CYP4F2: variants seen among roughly 807,000 people sequenced by gnomAD.
CYP4F2 encodes the protein cytochrome P450 family 4 subfamily F member 2.
CYP4F2 carries 58 observed loss-of-function variants against 58.9 expected under a neutral mutation model. The observed-to-expected ratio is 0.98, with a 90% CI of 0.80 to 1.23. CYP4F2 has a LOEUF of 1.23. Among genes scored for constraint, CYP4F2 ranks in the 50% most tolerant of loss-of-function variants. The pLI is 0.00. For synonymous variants in CYP4F2, 287 were observed against 261.1 expected (o/e 1.10, Z -0.95); for missense variants, 616 against 685.6 (o/e 0.90, Z 1.13).
At chr19:15,885,045 C>A (rs185228045) in intron 9 of CYP4F2, among the ~76,000 whole-genome samples, 1 of 152,016 alleles carries the variant, frequency 6.6e-6, no homozygotes, top group Admixed American at 6.5e-5. Flanking sequence ...CTCAGTCTCT[C>A]CCTCTCTCTC....
At chr19:15,884,923 C>T (rs2089367663) in intron 9 of CYP4F2, among the ~76,000 whole-genome samples, 3 of 152,202 alleles carry the variant, frequency 2.0e-5, no homozygotes, top group Non-Finnish European at 1.5e-5. Context: ...TGCTCAAACA[C>T]TTCCCATGGC....
Position 15,886,000 on chromosome 19 carries a change from G to T in CYP4F2, c.1039C>A (p.His347Asn), listed in dbSNP as rs755301307. Residue 347 changes from histidine (H) to asparagine (N), a missense_variant, in exon 9 of 13, where the codon CAC becomes AAC. By Grantham distance (68) the His-to-Asn change is moderately conservative. Coordinates refer to ENST00000221700, the MANE Select transcript of CYP4F2 (RefSeq NM_001082.5). The stretch of plus-strand genomic sequence containing the variant: ...CGGCAGCGCTCCTGGTATTCTGGGT[G>T]CTTTGCAAGGTGGTACAGGACCCAG... ...LSWVLYHLAK[H>N]PEYQERCRQE... 8 of 1,614,016 alleles carry T rather than the reference G, an allele frequency of 5.0e-6. No individual in the cohort carries two copies. The highest frequency in any genetic ancestry group is 5.1e-6 in the Non-Finnish European group (6 of 1,180,036).
At position 15,878,757 on chromosome 19, in the gene CYP4F2, G is replaced by T. The variant is rs1285469721; in HGVS notation, c.*14C>A. ...GGGTCATTTTAGTGGGGTCAGAGTG[G>T]GTCTCTGCAGAACTCAGCTCAGGGG... On this transcript the variant is annotated 3_prime_UTR_variant, in exon 13 of 13. Transcript: ENST00000221700. The T allele has an allele frequency of 6.2e-7, 1 of 1,612,232 alleles. No homozygotes were observed. Among genetic ancestry groups the T allele is most frequent in the Admixed American group, 1.7e-5 (1 of 59,876 alleles).
At position 15,897,602 on chromosome 19, in the gene CYP4F2, G is replaced by A. The variant is rs1568475064; in HGVS notation, c.10C>T (p.Leu4=). The A allele has an allele frequency of 9.3e-6, 15 of 1,613,664 alleles. No homozygotes were observed. The East Asian group carries it at 2.5e-4, about 26-fold the overall frequency. The change falls in exon 2 of 13, where the codon CTG becomes TTG. Residue 4 remains leucine (L), a synonymous_variant. Coordinates refer to ENST00000221700, the MANE Select transcript of CYP4F2 (RefSeq NM_001082.5). MSQ[L]SLSWLGLWPV... Reference sequence around the variant, plus strand: ...CAGAGGCCCAGCCAGGACAGGCTCAGCTGGGACATCCTGCAGGGCAGACGG... The same window carrying A: ...CAGAGGCCCAGCCAGGACAGGCTCAACTGGGACATCCTGCAGGGCAGACGG...
intron 2 of CYP4F2, among the ~76,000 whole-genome samples, chr19:15,896,293 T>A (rs897089861): frequency 1.3e-5 from 2 of 151,938 alleles, no homozygotes; most frequent in Non-Finnish European, 2.9e-5. Flanking sequence ...TCCTGCTCTA[T>A]CTATCTATCT....
intron 7 of CYP4F2, among the ~76,000 whole-genome samples, chr19:15,886,712 G>A (rs1213108990): frequency 2.0e-5 from 3 of 152,164 alleles, no homozygotes; most frequent in Admixed American, 6.5e-5. Context: ...CCCTGGAGAC[G>A]TTTGGGTTGT....
rs2089407908 is a variant in CYP4F2 at position 15,890,173 on chromosome 19, T to C, written c.647+139A>G. ...CTCCCTGGAAACCTCAAGATAAAGT[T>C]CATACCAGTCCTTCAATGATCAGGT... On this transcript the variant is annotated intron_variant, in intron 6 of 12. Transcript: ENST00000221700. The C allele has an allele frequency of 2.1e-6, 3 of 1,430,842 alleles. No individual in the cohort carries two copies. The East Asian group carries it at 7.2e-5, about 34-fold the overall frequency. 88.6% of individuals were successfully genotyped at this position (1,430,842 alleles called of 1,614,324 possible). A position where few individuals can be genotyped will look rare whatever the true frequency, so the allele number is the denominator to read the frequency against.
At chr19:15,892,852 C>T (rs761507459) in intron 3 of CYP4F2, among the ~76,000 whole-genome samples, 4 of 152,122 alleles carry the variant, frequency 2.6e-5, no homozygotes, top group Non-Finnish European at 5.9e-5. Flanking sequence ...GCCTCCTACA[C>T]GATCCAACAT....
intron 10 of CYP4F2, 26 bp downstream of exon 10, chr19:15,879,738 A>C: frequency 3.1e-6 from 5 of 1,613,008 alleles, no homozygotes; most frequent in Non-Finnish European, 4.2e-6. Flanking sequence ...TACCCAGGAG[A>C]CTCCTCCCCG....
chr19:15,887,477 T>G (rs1334074506), intron 7 of CYP4F2, among the ~76,000 whole-genome samples: 1 of 109,886 alleles, frequency 9.1e-6, no homozygotes, highest in Non-Finnish European at 1.9e-5. Context: ...CACAGACACA[T>G]AAATACACAT....
In CYP4F2 at chr19:15,878,593, G is replaced by T; in HGVS notation, c.*178C>A. The T allele has an allele frequency of 1.0e-5, 10 of 992,710 alleles. No homozygotes were observed. Among genetic ancestry groups the T allele is most frequent in the Non-Finnish European group, 1.3e-5 (9 of 691,360 alleles). The allele number at this position is 992,710 out of a possible 1,614,324, so 61.5% of individuals were successfully genotyped here. A position where few individuals can be genotyped will look rare whatever the true frequency, so the allele number is the denominator to read the frequency against. On this transcript the variant is annotated 3_prime_UTR_variant, in exon 13 of 13. Transcript: ENST00000221700. ...TCATCGTTTGGCTACTGTGAATAGG[G>T]CCGCCATGAACATTCACGCACAAGC...
intron 3 of CYP4F2, among the ~76,000 whole-genome samples, chr19:15,894,922 G>T (rs2089439248): frequency 6.6e-6 from 1 of 152,156 alleles, no homozygotes; most frequent in African/African-American, 2.4e-5. Context: ...ACCAGAGGTG[G>T]ACATCATGGA....
Position 15,885,300 on chromosome 19 carries a change from C to T in CYP4F2, c.1115+624G>A, listed in dbSNP as rs937089895. Reference sequence around the variant, plus strand: ...TCTTACTGTAAATCCCATCTCTGCCCATGTGGGCTGGGAGTGTCCTGCCCA... The same window carrying T: ...TCTTACTGTAAATCCCATCTCTGCCTATGTGGGCTGGGAGTGTCCTGCCCA... On this transcript the variant is annotated intron_variant, in intron 9 of 12. Transcript: ENST00000221700. 1.1e-4 allele frequency among the ~76,000 whole-genome samples: 17 copies of T among 152,280 alleles called. No individual in the cohort carries two copies. The East Asian group carries it at 3.1e-3, about 28-fold the overall frequency.
In CYP4F2 at chr19:15,897,436, C is replaced by G. The variant is rs753256315; in HGVS notation, c.176G>C (p.Trp59Ser). 6.2e-6 allele frequency: 10 copies of G among 1,613,854 alleles called. No homozygotes were observed. The highest frequency in any genetic ancestry group is 5.5e-5 in the South Asian group (5 of 91,060). The change falls in exon 2 of 13, where the codon TGG becomes TCG. Residue 59 changes from tryptophan (W) to serine (S), a missense_variant. By Grantham distance (177) the Trp-to-Ser change is radical. Transcript: ENST00000221700. Reference sequence around the variant, plus strand: ...CACCATGCCCTGGTGTCCCCAAAACCAGTTCCGTCTTGGGGGTTGTGGGAA... The same window carrying G: ...CACCATGCCCTGGTGTCCCCAAAACGAGTTCCGTCTTGGGGGTTGTGGGAA... ...RCFPQPPRRN[W>S]FWGHQGMVNP...
chr19:15,888,281 C>T (rs1296911757), intron 7 of CYP4F2, among the ~76,000 whole-genome samples: 8 of 151,974 alleles, frequency 5.3e-5, no homozygotes, highest in Admixed American at 1.3e-4. Context: ...TAGACACAGA[C>T]GCACACACAT....
In CYP4F2 at chr19:15,892,566, C is replaced by T. The variant is rs1007657184; in HGVS notation, c.360G>A (p.Lys120=). 6.2e-7 allele frequency: 1 copy of T among 1,614,090 alleles called. No individual in the cohort carries two copies. The highest frequency in any genetic ancestry group is 1.3e-5 in the African/African-American group (1 of 75,044). The change falls in exon 4 of 13, where the codon AAG becomes AAA. Residue 120 remains lysine (K), a synonymous_variant. Coordinates refer to ENST00000221700, the MANE Select transcript of CYP4F2 (RefSeq NM_001082.5). ...VINASAAIAP[K]DKFFYSFLEP... is the part of the protein sequence containing the mutation. ...CCAGGAAGCTGTAGAAGAACTTGTCCTTTGGTGCAATGGCAGCTGACATAA... is the reference window on the plus strand; with the variant it reads ...CCAGGAAGCTGTAGAAGAACTTGTCTTTTGGTGCAATGGCAGCTGACATAA...
At chr19:15,879,714 G>A (rs750382731) in intron 10 of CYP4F2, 46 bp from the exon 11 acceptor site, 3 of 1,613,924 alleles carry the variant, frequency 1.9e-6, no homozygotes, top group South Asian at 2.2e-5. Flanking sequence ...CCTTCACTGA[G>A]GGGCCCCTCT....
At position 15,895,521 on chromosome 19, in the gene CYP4F2, CA is replaced by C; in HGVS notation, c.327del (p.Val110SerfsTer29). ...CAGATGGTACCTGAGGCGTTGATGA[CA>C]GACCGGATGATGTCGGGGTGGCACA... The part of the protein sequence containing the change: ...LSLCHPDIIR[S>X]VINASAAIAP... On this transcript the variant is annotated frameshift_variant, in exon 3 of 13. Transcript: ENST00000221700. LOFTEE classifies it high-confidence loss of function. The C allele has an allele frequency of 6.5e-7, 1 of 1,531,392 alleles. No individual in the cohort carries two copies. The highest frequency in any genetic ancestry group is 8.7e-7 in the Non-Finnish European group (1 of 1,149,246). The allele number at this position is 1,531,392 out of a possible 1,614,324, so 94.9% of individuals were successfully genotyped here.
intron 5 of CYP4F2, 124 bp from the exon 6 acceptor site, chr19:15,890,557 C>G (rs1251177093): frequency 3.0e-5 from 42 of 1,420,392 alleles, no homozygotes; most frequent in Non-Finnish European, 3.4e-5. Context: ...GGACCCCTCC[C>G]CAGGGAGCAC....
Sources: allele counts gnomAD v4.1 joint callset (sites outside exome capture counted in the v4.1 genomes callset), GRCh38; gene constraint gnomAD v4.1.1; transcripts MANE v1.5; gene names NCBI Gene and HGNC (gene_info 2026-07-23, HGNC 2026-07-21).